The following ANKFN1 variants were observed in gnomAD, a reference collection of about 807,000 sequenced individuals.
ANKFN1 encodes the protein ankyrin repeat and fibronectin type-III domain-containing protein 1.
ANKFN1 carries 74 observed loss-of-function variants against 108.7 expected under a neutral mutation model. The ratio of observed to expected loss-of-function variants is 0.68; its 90% CI spans 0.56 to 0.83. ANKFN1 has a LOEUF of 0.83. Ranked by LOEUF, ANKFN1 falls within the 40% of genes least tolerant of loss-of-function variation. The pLI is 0.00. For synonymous variants in ANKFN1, 547 were observed against 516.2 expected, an observed-to-expected ratio of 1.06 and a Z score of -0.81; for missense variants, 1,505 against 1,382.3, an observed-to-expected ratio of 1.09 and a Z score of -1.41.
At chr17:56,327,015 T>A (rs963972905) in intron 4 of ANKFN1, among the ~76,000 whole-genome samples, 24 of 152,144 alleles carry the variant, frequency 1.6e-4, no homozygotes, top group African/African-American at 5.8e-4. Context: ...CATAAAGATA[T>A]GGTTGCTGAG....
At chr17:56,397,818 G>A (rs922256487) in intron 8 of ANKFN1, among the ~76,000 whole-genome samples, 7 of 152,186 alleles carry the variant, frequency 4.6e-5, no homozygotes, top group Admixed American at 2.0e-4. Context: ...TGGTCCTGCC[G>A]TAACTACCTG....
intron 3 of ANKFN1, among the ~76,000 whole-genome samples, chr17:56,264,794 T>C (rs2033779672): frequency 6.6e-6 from 1 of 152,192 alleles, no homozygotes; most frequent in South Asian, 2.1e-4. Flanking sequence ...CTGTTAACAA[T>C]GACCTCAAAA....
intron 8 of ANKFN1, among the ~76,000 whole-genome samples, chr17:56,422,467 ACACG>A (rs942708675): frequency 2.1e-3 from 319 of 151,640 alleles, no homozygotes; most frequent in African/African-American, 7.2e-3. Context: ...ATGCACACAC[ACACG>A]CACGCATGCA....
chr17:56,432,027 T>G (rs1263653194), intron 8 of ANKFN1, among the ~76,000 whole-genome samples: 1 of 152,170 alleles, frequency 6.6e-6, no homozygotes, highest in African/African-American at 2.4e-5. Flanking sequence ...CCAGGAGAGC[T>G]CTTGGCCTGT....
intron 4 of ANKFN1, among the ~76,000 whole-genome samples, chr17:56,147,561 A>G (rs1908338905): frequency 6.6e-6 from 1 of 152,184 alleles, no homozygotes; most frequent in Non-Finnish European, 1.5e-5. Flanking sequence ...TGATAAAACC[A>G]TCAGATCTCA....
At chr17:56,115,524 G>A (rs183538777) in intron 4 of ANKFN1, among the ~76,000 whole-genome samples, 85 of 152,264 alleles carry the variant, frequency 5.6e-4, no homozygotes, top group Non-Finnish European at 4.1e-4. Flanking sequence ...AAATAAAACA[G>A]TAATAACCAT....
intron 2 of ANKFN1, among the ~76,000 whole-genome samples, chr17:56,213,760 C>T (rs1915214988): frequency 6.6e-6 from 1 of 152,232 alleles, no homozygotes; most frequent in Admixed American, 6.5e-5. Context: ...CCACATAACT[C>T]TTACCCCAAA....
intron 3 of ANKFN1, among the ~76,000 whole-genome samples, chr17:56,271,074 A>T (rs2043781177): frequency 6.6e-6 from 1 of 151,898 alleles, no homozygotes; most frequent in Admixed American, 6.6e-5. Context: ...TAGTGGCATG[A>T]TCTCATCTCA....
chr17:56,284,964 A>G (rs920902098), intron 3 of ANKFN1, among the ~76,000 whole-genome samples: 1 of 152,192 alleles, frequency 6.6e-6, no homozygotes, highest in Non-Finnish European at 1.5e-5. Context: ...GAAAGAACCT[A>G]AATTACCTGG....
intron 3 of ANKFN1, among the ~76,000 whole-genome samples, chr17:56,321,319 G>A (rs1039192924): frequency 1.3e-5 from 2 of 151,946 alleles, no homozygotes; most frequent in Non-Finnish European, 2.9e-5. Flanking sequence ...AATCGGAGCC[G>A]TTATTGAGCA....
chr17:56,303,348 G>T (rs2044726366), intron 3 of ANKFN1, among the ~76,000 whole-genome samples: 1 of 152,158 alleles, frequency 6.6e-6, no homozygotes, highest in Non-Finnish European at 1.5e-5. Context: ...TGCTGCACTG[G>T]ATCCTGGTTA....
At chr17:56,456,401 C>CT (rs397713657) in intron 11 of ANKFN1, among the ~76,000 whole-genome samples, 76,253 of 115,492 alleles carry the variant, frequency 0.66, 26,383 homozygotes, top group East Asian at 0.91. Flanking sequence ...CTTTTTTTCT[C>CT]TTTTTTTTTT....
At chr17:56,120,715 G>A (rs1224343899) in intron 4 of ANKFN1, among the ~76,000 whole-genome samples, 1 of 152,090 alleles carries the variant, frequency 6.6e-6, no homozygotes, top group East Asian at 1.9e-4. Context: ...CTGTCTTCTT[G>A]ACACCTCCAA....
intron 8 of ANKFN1, among the ~76,000 whole-genome samples, chr17:56,412,139 T>A (rs892543917): frequency 1.3e-4 from 20 of 152,248 alleles, no homozygotes; most frequent in Non-Finnish European, 2.4e-4. Flanking sequence ...AAACATTTTG[T>A]CATTAATTCA....
At chr17:56,286,009 C>A (rs1484700370) in intron 3 of ANKFN1, among the ~76,000 whole-genome samples, 2 of 151,770 alleles carry the variant, frequency 1.3e-5, no homozygotes, top group Admixed American at 1.3e-4. Flanking sequence ...CTTTCACTTT[C>A]AAAAAAAATG....
chr17:56,244,465 C>A (rs976481733), intron 3 of ANKFN1, among the ~76,000 whole-genome samples: 11 of 152,138 alleles, frequency 7.2e-5, no homozygotes, highest in Non-Finnish European at 1.2e-4. Context: ...CAATCTTCAA[C>A]TCTCAGGGTC....
At chr17:56,104,282 T>C (rs1238762189) in intron 4 of ANKFN1, among the ~76,000 whole-genome samples, 1 of 152,352 alleles carries the variant, frequency 6.6e-6, no homozygotes, top group East Asian at 1.9e-4. Flanking sequence ...TCCAATACTT[T>C]CTTTTCTAGT....
chr17:56,351,058 A>G (rs2046235505), intron 5 of ANKFN1, 91 bp downstream of exon 5: 4 of 1,317,674 alleles, frequency 3.0e-6, no homozygotes, highest in Admixed American at 2.2e-5. Context: ...TGTTTACTTC[A>G]GAAGTTGATG....
At chr17:56,407,931 C>CTTTTTT (rs761975892) in intron 8 of ANKFN1, among the ~76,000 whole-genome samples, 24 of 104,612 alleles carry the variant, frequency 2.3e-4, no homozygotes, top group Non-Finnish European at 3.0e-4. Flanking sequence ...TCTTTTTTAT[C>CTTTTTT]TTTTTTTTTT....
Sources: gnomAD v4.1 joint callset for allele counts (sites outside exome capture counted in the v4.1 genomes callset) on GRCh38, gnomAD v4.1.1 for gene constraint, MANE v1.5 for transcripts, NCBI Gene and HGNC (gene_info 2026-07-23, HGNC 2026-07-21) for gene names.